Variants in DSTN observed in about 807,000 individuals in gnomAD.
DSTN encodes the protein destrin.
Under a neutral mutation model 16.8 loss-of-function variants are expected in DSTN, and 10 were observed. That is an observed-to-expected ratio of 0.60 (90% CI 0.37 to 1.01). DSTN has a LOEUF of 1.01. Among genes scored for constraint, DSTN ranks in the 50% least tolerant of loss-of-function variants. DSTN has a pLI of 0.01. For missense variants in DSTN, 141 were observed against 196.7 expected, an observed-to-expected ratio of 0.72 and a Z score of 1.69; for synonymous variants, 57 against 58.9, an observed-to-expected ratio of 0.97 and a Z score of 0.14.
Position 17,601,051 on chromosome 20 carries a change from C to A in DSTN, c.311+6C>A. 1 of 1,585,352 alleles carries A rather than the reference C, an allele frequency of 6.3e-7. No individual in the cohort carries two copies. Among genetic ancestry groups the A allele is most frequent in the Non-Finnish European group, 8.6e-7 (1 of 1,165,420 alleles). On this transcript the variant is annotated splice_donor_region_variant and intron_variant, in intron 2 of 3. Transcript: ENST00000246069. ...GAGTTGATGTTTTTTTTGTGGTAAG[C>A]ATGTTAGAAATATTGAGCCTCTGTA...
At chr20:17,606,767 C>G (rs2035647285) in intron 3 of DSTN, among the ~76,000 whole-genome samples, 1 of 152,166 alleles carries the variant, frequency 6.6e-6, no homozygotes, top group Admixed American at 6.5e-5. Flanking sequence ...CGTAAGTTAG[C>G]GTGGGCTGAT....
intron 1 of DSTN, among the ~76,000 whole-genome samples, chr20:17,574,865 C>CTTTTCTTTTTTTT (rs1354147534): frequency 4.8e-4 from 31 of 64,258 alleles, no homozygotes; most frequent in African/African-American, 1.7e-3. Context: ...CTTTTCTTTT[C>CTTTTCTTTTTTTT]TTTTGTTTTT....
chr20:17,576,111 C>G (rs1018056719), intron 1 of DSTN: 2 of 152,126 alleles, frequency 1.3e-5, no homozygotes, highest in African/African-American at 2.4e-5. Context: ...ATACTTTGGG[C>G]CAAAATGTTA....
Position 17,607,476 on chromosome 20 carries a change from G to T in DSTN, c.*330G>T. On this transcript the variant is annotated 3_prime_UTR_variant, in exon 4 of 4. Transcript: ENST00000246069. Reference sequence around the variant, plus strand: ...AATTATTACATCTTTATTAACCTCAGCATTTACTTTGTTTCTTTTGCTTAG... The same window carrying T: ...AATTATTACATCTTTATTAACCTCATCATTTACTTTGTTTCTTTTGCTTAG... The T allele has an allele frequency of 4.8e-6, 1 of 209,256 alleles. No homozygotes were observed. Among genetic ancestry groups the T allele is most frequent in the East Asian group, 1.1e-4 (1 of 9,000 alleles). The allele number at this position is 209,256 out of a possible 1,614,324, so 13.0% of individuals were successfully genotyped here.
rs2035670432 is a variant in DSTN at position 17,608,858 on chromosome 20, A to G, written c.*1712A>G. The G allele has an allele frequency of 6.6e-6, 1 of 152,246 alleles. No homozygotes were observed. Among genetic ancestry groups the G allele is most frequent in the South Asian group, 2.1e-4 (1 of 4,836 alleles). The allele number at this position is 152,246 out of a possible 1,614,324, so 9.4% of individuals were successfully genotyped here. On this transcript the variant is annotated 3_prime_UTR_variant, in exon 4 of 4. Coordinates refer to ENST00000246069, the MANE Select transcript of DSTN (RefSeq NM_006870.4). ...TTATTACATGTCAAAGACTGCATATACTATGGTGGTCCCATACAATTATAA... is the reference window on the plus strand; with the variant it reads ...TTATTACATGTCAAAGACTGCATATGCTATGGTGGTCCCATACAATTATAA...
intron 3 of DSTN, chr20:17,605,010 T>A: frequency 2.2e-6 from 1 of 456,446 alleles, no homozygotes; most frequent in Non-Finnish European, 4.4e-6. Flanking sequence ...ATAATAAAGT[T>A]GCAAAAAGGA....
chr20:17,578,022 AGT>A (rs1444777216), intron 1 of DSTN, among the ~76,000 whole-genome samples: 2 of 151,744 alleles, frequency 1.3e-5, no homozygotes, highest in African/African-American at 4.8e-5. Context: ...ACATGTGGCT[AGT>A]GGCCACTTTA....
intron 1 of DSTN, chr20:17,576,279 T>C (rs1188079159): frequency 6.6e-6 from 1 of 152,638 alleles, no homozygotes; most frequent in African/African-American, 2.4e-5. Context: ...ACGTAGATTT[T>C]TTGTTTGGAG....
chr20:17,599,863 C>A (rs1414839257), intron 1 of DSTN: 1 of 152,212 alleles, frequency 6.6e-6, no homozygotes, highest in Non-Finnish European at 1.5e-5. Flanking sequence ...GGCAGAGCCT[C>A]CTGGGCATCT....
chr20:17,594,761 G>A (rs540869763), intron 1 of DSTN, among the ~76,000 whole-genome samples: 31 of 152,258 alleles, frequency 2.0e-4, no homozygotes, highest in Non-Finnish European at 3.5e-4. Context: ...TTGGACTGAG[G>A]GTGAAATGAG....
rs1430826314 is a variant in DSTN at position 17,607,060 on chromosome 20, A to G, written c.412A>G (p.Asn138Asp). The change falls in exon 4 of 4, where the codon AAT becomes GAT. Residue 138 changes from asparagine to aspartate, a missense_variant. Transcript: ENST00000246069. Reference protein sequence around the residue: ...FQGIKHECQANGPEDLNRACI... With the variant: ...FQGIKHECQADGPEDLNRACI... The stretch of plus-strand genomic sequence containing the variant: ...AGGCATAAAACATGAATGTCAAGCA[A>G]ATGGACCAGAAGATCTCAATCGGGC... 6.2e-7 allele frequency: 1 copy of G among 1,613,976 alleles called. No homozygotes were observed. Among genetic ancestry groups the G allele is most frequent in the Non-Finnish European group, 8.5e-7 (1 of 1,179,966 alleles).
Position 17,570,114 on chromosome 20 carries a change from TG to T in DSTN, c.-92del, listed in dbSNP as rs138008979. On this transcript the variant is annotated 5_prime_UTR_variant, in exon 1 of 4. Coordinates refer to ENST00000246069, the MANE Select transcript of DSTN (RefSeq NM_006870.4). Reference sequence around the variant, plus strand: ...TCGCGCCGCCGCGTCAGCTCAGCGCTGGGTCTCTCGGTCCCGCAGCCGTGAG... The same window carrying T: ...TCGCGCCGCCGCGTCAGCTCAGCGCTGGTCTCTCGGTCCCGCAGCCGTGAG... 1,145 of 1,500,298 alleles carry T rather than the reference TG, an allele frequency of 7.6e-4. 8 individuals carry two copies. In the African/African-American group the frequency reaches 0.014, roughly 19 times the overall value. The allele number at this position is 1,500,298 out of a possible 1,614,324, so 92.9% of individuals were successfully genotyped here.
At chr20:17,604,668 G>C in intron 3 of DSTN, 37 bp downstream of exon 3, 1 of 1,577,138 alleles carries the variant, frequency 6.3e-7, no homozygotes, top group Non-Finnish European at 8.6e-7. Flanking sequence ...GTAGAGGTAT[G>C]GTGAACACTC....
At chr20:17,591,417 G>T (rs1188745190) in intron 1 of DSTN, among the ~76,000 whole-genome samples, 2 of 150,078 alleles carry the variant, frequency 1.3e-5, no homozygotes, top group Non-Finnish European at 3.0e-5. Flanking sequence ...CATAGGCTTT[G>T]CCAGGAGTCC....
chr20:17,604,559 C>G lies in DSTN; in HGVS notation c.316C>G (p.Pro106Ala). The G allele has an allele frequency of 6.2e-7, 1 of 1,609,438 alleles. No individual in the cohort carries two copies. Among genetic ancestry groups the G allele is most frequent in the Non-Finnish European group, 8.5e-7 (1 of 1,178,954 alleles). ...TTTTGGCATCTTTCTATCTAGGGCA[C>G]CAGAACTAGCACCTCTGAAAAGTAA... ...KEELMFFLWAPELAPLKSKMI... is the reference protein window; with the variant it reads ...KEELMFFLWAAELAPLKSKMI... Residue 106 changes from proline (P) to alanine (A), a missense_variant, in exon 3 of 4, where the codon CCA (proline) becomes GCA (alanine). Transcript: ENST00000246069.
chr20:17,601,543 G>A (rs1174640825), intron 2 of DSTN, among the ~76,000 whole-genome samples: 1 of 152,154 alleles, frequency 6.6e-6, no homozygotes, highest in African/African-American at 2.4e-5. Flanking sequence ...CTAGCCACAT[G>A]TGGCTATTTA....
chr20:17,585,706 G>A (rs907376871), intron 1 of DSTN, among the ~76,000 whole-genome samples: 1 of 152,046 alleles, frequency 6.6e-6, no homozygotes. Flanking sequence ...TACAGCCACA[G>A]TCAAAATATA....
intron 1 of DSTN, among the ~76,000 whole-genome samples, chr20:17,575,106 A>G (rs1337022527): frequency 1.3e-5 from 2 of 151,890 alleles, no homozygotes; most frequent in African/African-American, 4.8e-5. Flanking sequence ...TGGCCTCCCA[A>G]AGTGTTGGGA....
At chr20:17,588,282 T>C (rs1237393241) in intron 1 of DSTN, among the ~76,000 whole-genome samples, 2 of 152,194 alleles carry the variant, frequency 1.3e-5, no homozygotes, top group African/African-American at 4.8e-5. Context: ...AATCCCCTGT[T>C]TGAGTTATCC....
Sources: gnomAD v4.1 joint callset for allele counts (sites outside exome capture counted in the v4.1 genomes callset) on GRCh38, gnomAD v4.1.1 for gene constraint, MANE v1.5 for transcripts, NCBI Gene and HGNC (gene_info 2026-07-23, HGNC 2026-07-21) for gene names.